Variants in CCDC7 observed in about 807,000 individuals in gnomAD.
CCDC7 encodes coiled-coil domain containing 7.
Under a neutral mutation model 196.9 loss-of-function variants are expected in CCDC7, and 183 were observed. That is an observed-to-expected ratio of 0.93 (90% confidence interval 0.82 to 1.05). CCDC7 has a LOEUF of 1.05. Ranked by LOEUF, CCDC7 falls within the 50% of genes least tolerant of loss-of-function variation. The pLI, the probability that CCDC7 is intolerant of heterozygous loss-of-function variation, is 0.00. For synonymous variants in CCDC7, 525 were observed against 484.6 expected (o/e 1.08, Z -1.10); for missense variants, 1,540 against 1,482.2 (o/e 1.04, Z -0.64).
At chr10:32,544,385 G>A in intron 13 of CCDC7, 84 bp downstream of exon 14, 2 of 1,389,534 alleles carry the variant, frequency 1.4e-6, no homozygotes, top group Admixed American at 4.0e-5. Flanking sequence ...TATTACGTAT[G>A]TGATTATAGG....
At chr10:32,472,941 CTTAAAG>C (rs1223705192) in intron 7 of CCDC7, among the ~76,000 whole-genome samples, 10 of 152,184 alleles carry the variant, frequency 6.6e-5, no homozygotes, top group African/African-American at 2.2e-4. Flanking sequence ...CATTTTGAGA[CTTAAAG>C]TTAAAAATTT....
intron 18 of CCDC7, among the ~76,000 whole-genome samples, chr10:32,628,712 C>T (rs914131757): frequency 6.6e-6 from 1 of 151,954 alleles, no homozygotes; most frequent in Non-Finnish European, 1.5e-5. Context: ...TTTTCAGTTT[C>T]ATTTGTCTCA....
intron 16 of CCDC7, among the ~76,000 whole-genome samples, chr10:32,577,314 A>T (rs1467440048): frequency 2.0e-5 from 3 of 152,122 alleles, no homozygotes; most frequent in Non-Finnish European, 4.4e-5. Flanking sequence ...GTGAGCTGAG[A>T]TCGTGCCACT....
intron 18 of CCDC7, 64 bp downstream of exon 19, chr10:32,584,368 A>G: frequency 9.1e-7 from 1 of 1,093,944 alleles, no homozygotes; most frequent in Non-Finnish European, 1.3e-6. Context: ...CCATGATATA[A>G]TTATAAATAA....
intron 9 of CCDC7, among the ~76,000 whole-genome samples, chr10:32,496,818 T>C (rs1223727981): frequency 1.3e-5 from 2 of 152,248 alleles, no homozygotes; most frequent in South Asian, 2.1e-4. Context: ...GATTTTCTCA[T>C]TGATGTTCAT....
In CCDC7 at chr10:32,592,315, A is replaced by G. The variant is rs569858769; in HGVS notation, c.1801+8011A>G. ...ATTCTTGATTTCATGGATTTTACCT[A>G]TTGTTTTTCTGTTTACTTCATTTAT... On this transcript the variant is annotated intron_variant, in intron 18 of 41. Transcript: ENST00000639629. Among the ~76,000 whole-genome samples the G allele has an allele frequency of 2.2e-4, 34 of 151,750 alleles. No homozygotes were observed. The South Asian group carries it at 4.4e-3, about 20-fold the overall frequency.
intron 24 of CCDC7, among the ~76,000 whole-genome samples, chr10:32,701,290 CT>C (rs1278403922): frequency 6.6e-6 from 1 of 152,050 alleles, no homozygotes; most frequent in Non-Finnish European, 1.5e-5. Context: ...TGTCAAAGGC[CT>C]TTTCTTCATC....
intron 11 of CCDC7, among the ~76,000 whole-genome samples, chr10:32,527,410 G>A (rs1229692432): frequency 6.8e-6 from 1 of 147,964 alleles, no homozygotes; most frequent in Admixed American, 6.7e-5. Context: ...TCTTCTGATG[G>A]TGCTTTCCTG....
rs536673837 is a variant in CCDC7 at position 32,624,358 on chromosome 10, T to TA, written c.1802-9895dup. ...ACCACTTTCCAAAGAGCTGCAGGCT[T>TA]AGCATACACATTGTCTGCCTTCCAA... is the stretch of plus-strand genomic sequence containing the variant. On this transcript the variant is annotated intron_variant, in intron 18 of 41. Coordinates refer to ENST00000639629, the Ensembl canonical transcript of CCDC7. Among the ~76,000 whole-genome samples, 13 of 152,322 alleles carry TA rather than the reference T, an allele frequency of 8.5e-5. No homozygotes were observed. The South Asian group carries it at 2.7e-3, about 32-fold the overall frequency.
chr10:32,559,074 C>A (rs2947081), intron 13 of CCDC7, among the ~76,000 whole-genome samples: 21,021 of 152,284 alleles, frequency 0.14, 1,754 homozygotes, highest in East Asian at 0.25. Context: ...GCTAGCACAG[C>A]ACTCTGAGAT....
chr10:32,810,471 C>A (rs377640340), intron 30 of CCDC7, among the ~76,000 whole-genome samples: 1 of 151,798 alleles, frequency 6.6e-6, no homozygotes, highest in Non-Finnish European at 1.5e-5. Context: ...GAGGATATAC[C>A]AATTTTAAAC....
intron 11 of CCDC7, among the ~76,000 whole-genome samples, chr10:32,536,743 T>G (rs1302947925): frequency 6.6e-6 from 1 of 152,192 alleles, no homozygotes; most frequent in Non-Finnish European, 1.5e-5. Flanking sequence ...TAGCTCCCCC[T>G]TATAAGTAAG....
intron 10 of CCDC7, 150 bp downstream of exon 11, chr10:32,518,125 A>C (rs2047334926): frequency 9.3e-7 from 1 of 1,079,078 alleles, no homozygotes; most frequent in Non-Finnish European, 1.3e-6. Context: ...ACTTTCTGGA[A>C]AGCCTTGTCT....
At position 32,660,172 on chromosome 10, in the gene CCDC7, T is replaced by C. The variant is rs536764159; in HGVS notation, c.2015-3882T>C. On this transcript the variant is annotated intron_variant, in intron 20 of 41. Coordinates refer to ENST00000639629, the Ensembl canonical transcript of CCDC7. Reference sequence around the variant, plus strand: ...TAAGTTTTAGGGTACATGTGCACATTGTGCAGGTTAGTTACATATGTATAC... The same window carrying C: ...TAAGTTTTAGGGTACATGTGCACATCGTGCAGGTTAGTTACATATGTATAC... Among the ~76,000 whole-genome samples, 3 of 150,800 alleles carry C rather than the reference T, an allele frequency of 2.0e-5. No individual in the cohort carries two copies. In the East Asian group the frequency reaches 5.9e-4, roughly 30 times the overall value.
chr10:32,581,055 A>G (rs2058689600), intron 16 of CCDC7, among the ~76,000 whole-genome samples: 1 of 152,296 alleles, frequency 6.6e-6, no homozygotes, highest in East Asian at 1.9e-4. Flanking sequence ...TGCAATGCTC[A>G]GATCTTCAGA....
At chr10:32,447,516 A>G (rs774660237), upstream of CCDC7, among the ~76,000 whole-genome samples, 2 of 152,114 alleles carry the variant, frequency 1.3e-5, no homozygotes, top group Non-Finnish European at 2.9e-5. Flanking sequence ...GAGGCTTTTC[A>G]ATTTTGTAAA....
intron 34 of CCDC7, 38 bp from the exon 36 acceptor site, chr10:32,845,505 T>C (rs1436188382): frequency 2.7e-6 from 4 of 1,503,926 alleles, no homozygotes; most frequent in African/African-American, 1.4e-5. Flanking sequence ...GTAATGATAA[T>C]CTTACAAAAT....
At chr10:32,707,156 C>T (rs1240648189) in intron 24 of CCDC7, among the ~76,000 whole-genome samples, 1 of 152,192 alleles carries the variant, frequency 6.6e-6, no homozygotes, top group African/African-American at 2.4e-5. Context: ...GAATGCAAGG[C>T]TGGTTCAACA....
At chr10:32,605,211 C>G (rs2061447014) in intron 18 of CCDC7, among the ~76,000 whole-genome samples, 1 of 152,094 alleles carries the variant, frequency 6.6e-6, no homozygotes, top group Non-Finnish European at 1.5e-5. Flanking sequence ...CACCAGACAC[C>G]AAGCAGATGC....
Sources: gnomAD v4.1 joint callset for allele counts (sites outside exome capture counted in the v4.1 genomes callset) on GRCh38, gnomAD v4.1.1 for gene constraint, MANE v1.5 for transcripts, NCBI Gene and HGNC (gene_info 2026-07-23, HGNC 2026-07-21) for gene names.